GON4L: variants seen among roughly 807,000 people sequenced by gnomAD.
GON4L encodes the protein GON-4-like protein.
Under a neutral mutation model 211.8 loss-of-function variants are expected in GON4L, and 87 were observed. The ratio of observed to expected loss-of-function variants is 0.41; its 90% CI spans 0.35 to 0.49. GON4L has a LOEUF of 0.49. Among genes scored for constraint, GON4L ranks in the 20% least tolerant of loss-of-function variants. The pLI is 0.15. For missense variants in GON4L, 2,155 were observed against 2,659.5 expected, an observed-to-expected ratio of 0.81 and a Z score of 4.17; for synonymous variants, 875 against 962.6, an observed-to-expected ratio of 0.91 and a Z score of 1.68.
intron 12 of GON4L, among the ~76,000 whole-genome samples, chr1:155,786,943 A>G (rs1665003020): frequency 6.9e-6 from 1 of 144,624 alleles, no homozygotes; most frequent in African/African-American, 2.8e-5. Context: ...TTTTTTTGAG[A>G]CGGAGTCTTG....
intron 12 of GON4L, among the ~76,000 whole-genome samples, chr1:155,787,874 G>A (rs1189116312): frequency 6.6e-6 from 1 of 152,136 alleles, no homozygotes; most frequent in Non-Finnish European, 1.5e-5. Flanking sequence ...AACCCGGGAG[G>A]CAGAGGCTAC....
rs1252338929 is a variant in GON4L, at chr1:155,853,382, T to C, written c.399A>G (p.Lys133=). ...LHATGSKRGK[K]MTLRPGPVTQ... The stretch of plus-strand genomic sequence containing the variant: ...TAACTGGCCCAGGCCTGAGTGTCAT[T>C]TTTTTCCCTCTCTTTGAGCCAGTAG... Residue 133 remains lysine, a synonymous_variant, in exon 2 of 32, where the codon AAA becomes AAG. Coordinates refer to ENST00000368331, the MANE Select transcript of GON4L (RefSeq NM_001282860.2). The C allele has an allele frequency of 1.9e-6, 3 of 1,614,054 alleles. No homozygotes were observed. In the South Asian group the frequency reaches 3.3e-5, roughly 18 times the overall value.
chr1:155,856,615 T>C (rs953279992), intron 1 of GON4L, among the ~76,000 whole-genome samples: 1 of 150,014 alleles, frequency 6.7e-6, no homozygotes, highest in Non-Finnish European at 1.5e-5. Flanking sequence ...ACTGATGTAA[T>C]TAAAACTCAG....
Position 155,820,586 on chromosome 1 carries a change from C to CA in GON4L, c.1014+19dup. 3.2e-6 allele frequency: 5 copies of CA among 1,582,054 alleles called. No individual in the cohort carries two copies. The highest frequency in any genetic ancestry group is 2.2e-5 in the East Asian group (1 of 44,714). On this transcript the variant is annotated intron_variant, in intron 6 of 31. Transcript: ENST00000368331. ...CACCAAGCTAAAAAAAAACCAACAA[C>CA]AAAAAAACAGAATACTTACCACTCC...
upstream of GON4L, chr1:155,857,354 T>G (rs1352367836): frequency 1.3e-5 from 2 of 152,238 alleles, no homozygotes; most frequent in Non-Finnish European, 2.9e-5. Flanking sequence ...GGCAAAAAAA[T>G]TTAAAGGCAC....
intron 11 of GON4L, among the ~76,000 whole-genome samples, chr1:155,801,339 C>CTTA (rs1454476617): frequency 1.3e-5 from 2 of 151,942 alleles, no homozygotes; most frequent in Non-Finnish European, 2.9e-5. Flanking sequence ...AACTCAGAAG[C>CTTA]TTAGACTCCT....
chr1:155,769,712 A>G (rs1185806935), intron 19 of GON4L, among the ~76,000 whole-genome samples: 3 of 152,192 alleles, frequency 2.0e-5, no homozygotes, highest in Non-Finnish European at 4.4e-5. Context: ...AGGTATCACA[A>G]TAACATAGCT....
At chr1:155,806,320 T>C (rs1667127432) in intron 10 of GON4L, among the ~76,000 whole-genome samples, 1 of 151,692 alleles carries the variant, frequency 6.6e-6, no homozygotes, top group Admixed American at 6.6e-5. Context: ...ACCTGGCAAA[T>C]TTTTGTATTT....
In GON4L at chr1:155,805,513, C is replaced by T. The variant is rs147656740; in HGVS notation, c.1453-372G>A. Among the ~76,000 whole-genome samples, 553 of 152,136 alleles carry T rather than the reference C, an allele frequency of 3.6e-3. 1 individual carries two copies. The highest frequency in any genetic ancestry group is 4.7e-3 in the Non-Finnish European group (320 of 67,992). On this transcript the variant is annotated intron_variant, in intron 10 of 31. Transcript: ENST00000368331. ...AAGAAATCCCATACCCATTAGTAGT[C>T]GCTTCCCTTTCCCCCTCCTCCCAGC...
chr1:155,751,942 T>C lies in GON4L; in HGVS notation c.6473+18A>G. Reference sequence around the variant, plus strand: ...GTCTATGCTCTTTTCCAAACACACGTCATCCACCCTTACCTACCTTGTCCA... The same window carrying C: ...GTCTATGCTCTTTTCCAAACACACGCCATCCACCCTTACCTACCTTGTCCA... On this transcript the variant is annotated intron_variant, in intron 30 of 31. Coordinates refer to ENST00000368331, the MANE Select transcript of GON4L (RefSeq NM_001282860.2). The C allele has an allele frequency of 3.1e-6, 5 of 1,612,506 alleles. No homozygotes were observed. The highest frequency in any genetic ancestry group is 4.2e-6 in the Non-Finnish European group (5 of 1,178,666).
At chr1:155,748,880 C>T (rs1463447997), downstream of GON4L, 82 of 1,168,520 alleles carry the variant, frequency 7.0e-5, no homozygotes, top group Non-Finnish European at 9.5e-5. Context: ...GATGTTGTTC[C>T]CTCCCCACCC....
At position 155,752,502 on chromosome 1, in the gene GON4L, T is replaced by C. The variant is rs1660703605; in HGVS notation, c.5931A>G (p.Ser1977=). The C allele has an allele frequency of 1.9e-6, 3 of 1,588,954 alleles. No individual in the cohort carries two copies. Among genetic ancestry groups the C allele is most frequent in the East Asian group, 4.6e-5 (2 of 43,760 alleles). ...RLLLDGPPPH[S]PETPQFPPTT... ...TGGGGGGAAATTGAGGAGTCTCTGG[T>C]GAATGAGGTGGTGGGCCATCCAGGA... Residue 1977 remains serine, a synonymous_variant, in exon 30 of 32, where the codon TCA becomes TCG. Transcript: ENST00000368331.
chr1:155,761,481 G>T (rs537411803), intron 23 of GON4L, among the ~76,000 whole-genome samples: 1 of 149,794 alleles, frequency 6.7e-6, no homozygotes, highest in Non-Finnish European at 1.5e-5. Flanking sequence ...AAGGGCCACA[G>T]CGCCCAGCCT....
In GON4L at chr1:155,844,716, C is replaced by A. The variant is rs557762220; in HGVS notation, c.505+8560G>T. On this transcript the variant is annotated intron_variant, in intron 2 of 31. Coordinates refer to ENST00000368331, the MANE Select transcript of GON4L (RefSeq NM_001282860.2). The stretch of plus-strand genomic sequence containing the variant: ...AAAGCTGCAGTGGGCCATGATCACA[C>A]CACTGCACTCCAGCCTGGGTGACAG... Among the ~76,000 whole-genome samples the A allele has an allele frequency of 1.8e-3, 280 of 152,216 alleles. 2 individuals carry two copies. Among genetic ancestry groups the A allele is most frequent in the Admixed American group, 8.1e-3 (124 of 15,282 alleles).
intron 19 of GON4L, among the ~76,000 whole-genome samples, chr1:155,770,646 C>T (rs1240559652): frequency 6.6e-6 from 1 of 152,186 alleles, no homozygotes; most frequent in Non-Finnish European, 1.5e-5. Flanking sequence ...GTCAGAGGTT[C>T]AAGACCAGCC....
Position 155,821,459 on chromosome 1 carries a change from T to G in GON4L, c.963+15A>C, listed in dbSNP as rs747873539. 5 of 1,480,772 alleles carry G rather than the reference T, an allele frequency of 3.4e-6. No homozygotes were observed. The East Asian group carries it at 1.1e-4, about 33-fold the overall frequency. 91.7% of individuals were successfully genotyped at this position (1,480,772 alleles called of 1,614,324 possible). A position where few individuals can be genotyped will look rare whatever the true frequency, so the allele number is the denominator to read the frequency against. On this transcript the variant is annotated intron_variant, in intron 5 of 31. Transcript: ENST00000368331. ...CTGTTCCAAGACATTAAAAGAGTGA[T>G]AATCAACTACTCACAAACATTGGCA...
In GON4L at chr1:155,763,460, T is replaced by G. The variant is rs1466632646; in HGVS notation, c.4578A>C (p.Glu1526Asp). Residue 1526 changes from glutamate (E) to aspartate (D), a missense_variant, in exon 22 of 32, where the codon GAA (glutamate) becomes GAC (aspartate). Coordinates refer to ENST00000368331, the MANE Select transcript of GON4L (RefSeq NM_001282860.2). Reference sequence around the variant, plus strand: ...TTCCTTCTGCTTCTTCTTCCTCCTCTTCTTCTGGCTCAGAGTTCTCCTCCT... The same window carrying G: ...TTCCTTCTGCTTCTTCTTCCTCCTCGTCTTCTGGCTCAGAGTTCTCCTCCT... ...NSQEENSEPE[E>D]EEEEEAEGME... 7.7e-6 allele frequency: 12 copies of G among 1,554,808 alleles called. No individual in the cohort carries two copies. Among genetic ancestry groups the G allele is most frequent in the Non-Finnish European group, 1.0e-5 (12 of 1,148,530 alleles).
chr1:155,800,776 C>T (rs979172216), intron 11 of GON4L, among the ~76,000 whole-genome samples: 5 of 146,650 alleles, frequency 3.4e-5, no homozygotes, highest in Non-Finnish European at 6.0e-5. Context: ...CGCTTGAACC[C>T]GGGTGGAGGT....
In GON4L at chr1:155,751,784, T is replaced by C. The variant is rs756228213; in HGVS notation, c.6559A>G (p.Asn2187Asp). 6.2e-7 allele frequency: 1 copy of C among 1,612,248 alleles called. No homozygotes were observed. The highest frequency in any genetic ancestry group is 1.1e-5 in the South Asian group (1 of 90,974). ...TFNIISQQLG[N>D]KTPAEVSHRF... ...GCACCTACCTCAGCAGGGGTCTTAT[T>C]TCCCAGCTGCTGGGAGATGATGTTG... Residue 2187 changes from asparagine (N) to aspartate (D), a missense_variant, in exon 31 of 32, where the codon AAT (asparagine) becomes GAT (aspartate). Physicochemically the swap from Asn to Asp is conservative, Grantham distance 23. Around this residue, in one of 6 missense-constraint regions of GON4L, gnomAD observed 186 missense variants for 308.1 expected, o/e 0.60. Transcript: ENST00000368331.
Sources: gnomAD v4.1 joint callset for allele counts (sites outside exome capture counted in the v4.1 genomes callset) on GRCh38, gnomAD v4.1.1 for gene constraint, gnomAD v4.1.1 regional missense constraint, MANE v1.5 for transcripts, NCBI Gene and HGNC (gene_info 2026-07-23, HGNC 2026-07-21) for gene names.